Variants in CCDC85A observed in about 807,000 individuals in gnomAD.
CCDC85A encodes coiled-coil domain-containing protein 85A.
In CCDC85A, 38 loss-of-function variants were observed where a neutral mutation model predicts 50.2. The ratio of observed to expected loss-of-function variants is 0.76; its 90% CI spans 0.58 to 0.99. CCDC85A has a LOEUF of 0.99. Among genes scored for constraint, CCDC85A ranks in the 50% least tolerant of loss-of-function variants. The pLI, the probability that CCDC85A is intolerant of heterozygous loss-of-function variation, is 0.00. For missense variants in CCDC85A, 820 were observed against 742.0 expected (o/e 1.11, Z -1.22); for synonymous variants, 366 against 301.4 (o/e 1.21, Z -2.22).
chr2:56,277,687 A>G (rs1340055216), intron 2 of CCDC85A, among the ~76,000 whole-genome samples: 1 of 152,234 alleles, frequency 6.6e-6, no homozygotes, highest in East Asian at 1.9e-4. Flanking sequence ...CACCCTCTGT[A>G]TAAGGCACTC....
intron 3 of CCDC85A, among the ~76,000 whole-genome samples, chr2:56,371,043 C>A (rs1194349524): frequency 1.3e-5 from 2 of 152,006 alleles, no homozygotes; most frequent in Non-Finnish European, 2.9e-5. Flanking sequence ...GGAGATAATT[C>A]TTTTGATGAT....
At position 56,273,215 on chromosome 2, in the gene CCDC85A, G is replaced by T. The variant is rs1670771842; in HGVS notation, c.1241-69664G>T. Among the ~76,000 whole-genome samples, 5 of 152,146 alleles carry T rather than the reference G, an allele frequency of 3.3e-5. No individual in the cohort carries two copies. In the South Asian group the frequency reaches 1.0e-3, roughly 32 times the overall value. ...AGAAAACTAGGAGATCAGTCTGTGA[G>T]TTTCGGATCTAATATGAATTCTAGA... On this transcript the variant is annotated intron_variant, in intron 2 of 5. Coordinates refer to ENST00000407595, the MANE Select transcript of CCDC85A (RefSeq NM_001080433.2).
chr2:56,319,096 A>G (rs1398672120), intron 2 of CCDC85A, among the ~76,000 whole-genome samples: 5 of 152,140 alleles, frequency 3.3e-5, no homozygotes, highest in Non-Finnish European at 5.9e-5. Context: ...GGGTGGTGAT[A>G]TCAAAACTGT....
intron 2 of CCDC85A, among the ~76,000 whole-genome samples, chr2:56,317,972 GCTATGCATTTCATCTACTCAAACA>G (rs1672997081): frequency 6.6e-6 from 1 of 152,048 alleles, no homozygotes; most frequent in Non-Finnish European, 1.5e-5. Flanking sequence ...GCTGATGTCT[GCTATGCATTTCATCTACTCAAACA>G]CCTTCTTTTA....
At position 56,192,437 on chromosome 2, in the gene CCDC85A, G is replaced by C. The variant is rs770362193; in HGVS notation, c.277-40G>C. 5.1e-6 allele frequency: 8 copies of C among 1,566,942 alleles called. No individual in the cohort carries two copies. The South Asian group carries it at 8.5e-5, about 17-fold the overall frequency. On this transcript the variant is annotated intron_variant, in intron 1 of 5. Coordinates refer to ENST00000407595, the MANE Select transcript of CCDC85A (RefSeq NM_001080433.2). This position sits in a 1 kb window ranked among gnomAD's most constrained non-coding sequence, Gnocchi z 4.7. ...GAAGTCTGAGCCTGCTGACACCTCA[G>C]ATGTGTACTTCCCTTGAATGGTTGT...
chr2:56,277,196 A>C (rs993723953), intron 2 of CCDC85A, among the ~76,000 whole-genome samples: 1 of 152,176 alleles, frequency 6.6e-6, no homozygotes, highest in African/African-American at 2.4e-5. Flanking sequence ...GGAAGTTTCT[A>C]CCTATGCCTT....
chr2:56,235,459 A>C (rs1048493225), intron 2 of CCDC85A: 2 of 151,854 alleles, frequency 1.3e-5, no homozygotes, highest in African/African-American at 4.8e-5. Flanking sequence ...GTTTTTGAGC[A>C]TGAATGAAAA....
chr2:56,234,299 C>G (rs1216239440), intron 2 of CCDC85A, among the ~76,000 whole-genome samples: 1 of 152,084 alleles, frequency 6.6e-6, no homozygotes, highest in African/African-American at 2.4e-5. Context: ...TTGTTTTTGT[C>G]TTTTCACTGG....
At chr2:56,310,170 A>G (rs561357917) in intron 2 of CCDC85A, among the ~76,000 whole-genome samples, 3 of 152,300 alleles carry the variant, frequency 2.0e-5, no homozygotes, top group Admixed American at 1.3e-4. Flanking sequence ...TAGAGTTTAC[A>G]GTGAGACAGG....
chr2:56,330,945 C>T (rs1171882678), intron 2 of CCDC85A, among the ~76,000 whole-genome samples: 1 of 151,956 alleles, frequency 6.6e-6, no homozygotes, highest in Non-Finnish European at 1.5e-5. Context: ...TAGCACATTT[C>T]ACAATAGCAT....
chr2:56,319,439 C>G (rs867242550), intron 2 of CCDC85A, among the ~76,000 whole-genome samples: 2 of 152,052 alleles, frequency 1.3e-5, no homozygotes, highest in South Asian at 4.1e-4. Context: ...TTGGCAAAAG[C>G]AGGGTAACTC....
rs938346410 is a variant in CCDC85A at position 56,323,374 on chromosome 2, G to A, written c.1241-19505G>A. On this transcript the variant is annotated intron_variant, in intron 2 of 5. Transcript: ENST00000407595. ...GCTTCTGAAGGTATAGGAAATGGGG[G>A]TGAATCTCACCACTGCGAGAGTGAA... Among the ~76,000 whole-genome samples, 43 of 152,070 alleles carry A rather than the reference G, an allele frequency of 2.8e-4. 2 individuals carry two copies. The highest frequency in any genetic ancestry group is 2.2e-3 in the Admixed American group (34 of 15,252).
chr2:56,192,650 C>T lies in CCDC85A; in HGVS notation c.450C>T (p.Asp150=). 1.2e-6 allele frequency: 2 copies of T among 1,613,856 alleles called. No homozygotes were observed. Among genetic ancestry groups the T allele is most frequent in the Admixed American group, 1.7e-5 (1 of 60,004 alleles). ...EVALYLQKLK[D]LEVKQEEVVK... is the part of the protein sequence containing the mutation. Reference sequence around the variant, plus strand: ...CCTTATACCTGCAGAAGCTGAAAGACCTGGAGGTGAAGCAGGAGGAAGTGG... The same window carrying T: ...CCTTATACCTGCAGAAGCTGAAAGATCTGGAGGTGAAGCAGGAGGAAGTGG... The change falls in exon 2 of 6, where the codon GAC becomes GAT. Residue 150 remains aspartate (D), a synonymous_variant. Transcript: ENST00000407595. This position sits in a 1 kb window ranked among gnomAD's most constrained non-coding sequence, Gnocchi z 4.7.
At chr2:56,325,694 G>A (rs1283130165) in intron 2 of CCDC85A, among the ~76,000 whole-genome samples, 3 of 152,078 alleles carry the variant, frequency 2.0e-5, no homozygotes, top group African/African-American at 7.2e-5. Context: ...ACTGCACTTT[G>A]CCTGTGTGTG....
chr2:56,286,423 T>C (rs1454620835), intron 2 of CCDC85A, among the ~76,000 whole-genome samples: 1 of 152,174 alleles, frequency 6.6e-6, no homozygotes. Flanking sequence ...TAAAATGCTT[T>C]CATCTATGTT....
chr2:56,321,225 T>C (rs959629850), intron 2 of CCDC85A, among the ~76,000 whole-genome samples: 19 of 152,222 alleles, frequency 1.2e-4, no homozygotes, highest in East Asian at 5.8e-4. Context: ...CTTTGAAAAC[T>C]GGCACAAGAC....
intron 2 of CCDC85A, among the ~76,000 whole-genome samples, chr2:56,314,428 T>C (rs1672829721): frequency 6.6e-6 from 1 of 152,048 alleles, no homozygotes; most frequent in African/African-American, 2.4e-5. Context: ...TTGATGTGTA[T>C]TTTGCAACGT....
intron 2 of CCDC85A, among the ~76,000 whole-genome samples, chr2:56,216,469 TCCTTCCTGACTG>T (rs2103893332): frequency 6.6e-6 from 1 of 151,918 alleles, no homozygotes; most frequent in African/African-American, 2.4e-5. Flanking sequence ...TTTAATTTGT[TCCTTCCTGACTG>T]CCAATGAAGC....
At chr2:56,207,936 A>C (rs1286298806) in intron 2 of CCDC85A, among the ~76,000 whole-genome samples, 1 of 152,182 alleles carries the variant, frequency 6.6e-6, no homozygotes, top group Admixed American at 6.5e-5. Context: ...CTCTTTGGAC[A>C]TAATTCATGT....
Sources: gnomAD v4.1 joint callset for allele counts (sites outside exome capture counted in the v4.1 genomes callset) on GRCh38, gnomAD v4.1.1 for gene constraint, Gnocchi (gnomAD v3.1) non-coding constraint, MANE v1.5 for transcripts, NCBI Gene and HGNC (gene_info 2026-07-23, HGNC 2026-07-21) for gene names.